MYBL2: variants seen among roughly 807,000 people sequenced by gnomAD.
The protein encoded by MYBL2 is myb-related protein B.
MYBL2 carries 28 observed loss-of-function variants against 79.9 expected under a neutral mutation model. That is an observed-to-expected ratio of 0.35 (90% CI 0.26 to 0.48). MYBL2 has a LOEUF of 0.48. Ranked by LOEUF, MYBL2 falls within the 20% of genes least tolerant of loss-of-function variation. The probability of loss-of-function intolerance (pLI) is 0.99; values close to 1 mark genes in which losing one functional copy is unlikely to be tolerated. For synonymous variants in MYBL2, 378 were observed against 361.2 expected (o/e 1.05, Z -0.53); for missense variants, 735 against 893.9 (o/e 0.82, Z 2.27).
chr20:43,705,685 T>TATTC (rs1407245254), intron 9 of MYBL2, among the ~76,000 whole-genome samples: 1 of 145,676 alleles, frequency 6.9e-6, no homozygotes. Flanking sequence ...TTTATTTATT[T>TATTC]ATTTATTTAT....
rs550646437 is a variant in MYBL2 at position 43,712,940 on chromosome 20, A to G, written c.1720-62A>G. 4.6e-6 allele frequency: 6 copies of G among 1,305,680 alleles called. No individual in the cohort carries two copies. In the African/African-American group the frequency reaches 8.7e-5, roughly 19 times the overall value. The allele number at this position is 1,305,680 out of a possible 1,614,324, so 80.9% of individuals were successfully genotyped here. A position where few individuals can be genotyped will look rare whatever the true frequency, so the allele number is the denominator to read the frequency against. On this transcript the variant is annotated intron_variant, in intron 11 of 13. Transcript: ENST00000217026. ...TGACCATCCATGGCCATGACCATCC[A>G]GGTGCTGACCATGGGGAATCCAGAC... is the stretch of plus-strand genomic sequence containing the variant.
intron 1 of MYBL2, among the ~76,000 whole-genome samples, chr20:43,670,173 C>T: frequency 6.6e-6 from 1 of 152,224 alleles, no homozygotes; most frequent in Non-Finnish European, 1.5e-5. Context: ...ATCATTTCAT[C>T]CTTGAAAGAA....
Position 43,688,345 on chromosome 20 carries a change from G to A in MYBL2, c.500+1273G>A, listed in dbSNP as rs576736442. ...GCCTCCCAAGTAGCTGGGACTACAGGTCTGTGCCACCATGCCTGGCTAATT... is the reference window on the plus strand; with the variant it reads ...GCCTCCCAAGTAGCTGGGACTACAGATCTGTGCCACCATGCCTGGCTAATT... On this transcript the variant is annotated intron_variant, in intron 5 of 13. Coordinates refer to ENST00000217026, the MANE Select transcript of MYBL2 (RefSeq NM_002466.4). Among the ~76,000 whole-genome samples the A allele has an allele frequency of 7.2e-5, 11 of 152,120 alleles. No individual in the cohort carries two copies. In the East Asian group the frequency reaches 2.1e-3, roughly 30 times the overall value.
At chr20:43,683,170 T>G (rs1337556356) in intron 4 of MYBL2, among the ~76,000 whole-genome samples, 1 of 152,128 alleles carries the variant, frequency 6.6e-6, no homozygotes, top group East Asian at 1.9e-4. Flanking sequence ...AGTGCAGCGT[T>G]GTCATGAGAA....
At position 43,716,177 on chromosome 20, in the gene MYBL2, C is replaced by A; in HGVS notation, c.*90C>A. Reference sequence around the variant, plus strand: ...TGAATCTGAGAGTCATTCAGGTGACCTCCTGCAGGGAGCCTTCTGCCACCA... The same window carrying A: ...TGAATCTGAGAGTCATTCAGGTGACATCCTGCAGGGAGCCTTCTGCCACCA... On this transcript the variant is annotated 3_prime_UTR_variant, in exon 14 of 14. Coordinates refer to ENST00000217026, the MANE Select transcript of MYBL2 (RefSeq NM_002466.4). 1 of 1,576,582 alleles carries A rather than the reference C, an allele frequency of 6.3e-7. No homozygotes were observed. The highest frequency in any genetic ancestry group is 8.6e-7 in the Non-Finnish European group (1 of 1,168,788).
Position 43,705,101 on chromosome 20 carries a change from T to A in MYBL2, c.1366-118T>A, listed in dbSNP as rs1987750662. 4.5e-6 allele frequency: 6 copies of A among 1,327,876 alleles called. No homozygotes were observed. In the African/African-American group the frequency reaches 8.8e-5, roughly 19 times the overall value. 82.3% of individuals were successfully genotyped at this position (1,327,876 alleles called of 1,614,324 possible). On this transcript the variant is annotated intron_variant, in intron 8 of 13. Transcript: ENST00000217026. ...CTGATGGGTCAAGAGGGGACCTCAG[T>A]ATCAGAGCAGACGTTTTGGGGGAGA...
chr20:43,702,585 G>A lies in MYBL2; in HGVS notation c.1047G>A (p.Ala349=), dbSNP rs1304874541. The A allele has an allele frequency of 8.1e-6, 13 of 1,614,044 alleles. No individual in the cohort carries two copies. In the East Asian group the frequency reaches 8.9e-5, roughly 11 times the overall value. Residue 349 remains alanine (A), a synonymous_variant, in exon 8 of 14, where the codon GCG becomes GCA. Coordinates refer to ENST00000217026, the MANE Select transcript of MYBL2 (RefSeq NM_002466.4). ...ACAACAGCCTAGTGCAGCTGCAAGC[G>A]TCACATCAGCAGCAAGTCCTGCCAC... ...SINNSLVQLQ[A]SHQQQVLPPR...
Position 43,699,820 on chromosome 20 carries a change from G to C in MYBL2, c.727G>C (p.Glu243Gln). The change falls in exon 7 of 14, where the codon GAG (glutamate) becomes CAG (glutamine). Residue 243 changes from glutamate to glutamine, a missense_variant. Physicochemically the swap from Glu to Gln is conservative, Grantham distance 29 (BLOSUM62 2). Transcript: ENST00000217026. ...PTIKEEENSE[E>Q]ELAAATTSKE... The stretch of plus-strand genomic sequence containing the variant: ...CATAAAGGAGGAGGAAAACAGTGAG[G>C]AGGAACTTGCAGCAGCCACCACATC... 6.2e-7 allele frequency: 1 copy of C among 1,614,156 alleles called. No homozygotes were observed. Among genetic ancestry groups the C allele is most frequent in the Non-Finnish European group, 8.5e-7 (1 of 1,180,022 alleles).
chr20:43,690,991 CTG>C (rs1987393395), intron 5 of MYBL2, among the ~76,000 whole-genome samples: 2 of 152,216 alleles, frequency 1.3e-5, no homozygotes, highest in African/African-American at 4.8e-5. Context: ...CTACTCTACT[CTG>C]TGCTTTATGC....
At chr20:43,700,408 C>T (rs1987653986) in intron 7 of MYBL2, among the ~76,000 whole-genome samples, 3 of 152,140 alleles carry the variant, frequency 2.0e-5, no homozygotes, top group Non-Finnish European at 2.9e-5. Flanking sequence ...GGTTGGGTCT[C>T]CCTGAAGAGG....
At chr20:43,708,927 G>T (rs1987845752) in intron 9 of MYBL2, among the ~76,000 whole-genome samples, 1 of 152,204 alleles carries the variant, frequency 6.6e-6, no homozygotes, top group African/African-American at 2.4e-5. Context: ...TACAGAGGGG[G>T]ATCTCTGTGT....
intron 9 of MYBL2, among the ~76,000 whole-genome samples, chr20:43,708,164 A>T (rs1987831245): frequency 6.6e-6 from 1 of 152,106 alleles, no homozygotes; most frequent in Non-Finnish European, 1.5e-5. Flanking sequence ...CAGTGGTGTG[A>T]TCATGGCCCA....
At chr20:43,697,818 G>A (rs1987579349) in intron 6 of MYBL2, among the ~76,000 whole-genome samples, 1 of 151,850 alleles carries the variant, frequency 6.6e-6, no homozygotes, top group South Asian at 2.1e-4. Context: ...GGGAGGCTGA[G>A]GCAGGAGAAT....
chr20:43,712,290 G>A (rs528425815), intron 11 of MYBL2, among the ~76,000 whole-genome samples: 2 of 152,338 alleles, frequency 1.3e-5, no homozygotes, highest in South Asian at 2.1e-4. Flanking sequence ...AGCTGGGAAC[G>A]GTGGGATGTA....
intron 6 of MYBL2, 128 bp from the exon 7 acceptor site, chr20:43,699,629 G>A (rs1420171118): frequency 3.0e-6 from 3 of 1,000,092 alleles, no homozygotes; most frequent in African/African-American, 3.3e-5. Flanking sequence ...TAATTATTCT[G>A]TAGAATGTTT....
intron 5 of MYBL2, among the ~76,000 whole-genome samples, chr20:43,689,650 C>T (rs772323020): frequency 4.6e-5 from 7 of 152,182 alleles, no homozygotes; most frequent in Admixed American, 6.6e-5. Context: ...TCTCTGGTGA[C>T]CTCTGTGTTG....
In MYBL2 at chr20:43,694,294, T is replaced by G. The variant is rs140839193; in HGVS notation, c.663+1975T>G. On this transcript the variant is annotated intron_variant, in intron 6 of 13. Transcript: ENST00000217026. ...TTGCAGTGAGCCGAGATCACGCCACTGCACTCCAGCCTGGGTGACAGAGTG... is the reference window on the plus strand; with the variant it reads ...TTGCAGTGAGCCGAGATCACGCCACGGCACTCCAGCCTGGGTGACAGAGTG... Among the ~76,000 whole-genome samples, 1,325 of 152,170 alleles carry G rather than the reference T, an allele frequency of 8.7e-3. 29 individuals are homozygous for G. Among genetic ancestry groups the G allele is most frequent in the African/African-American group, 0.03 (1,233 of 41,506 alleles).
At position 43,713,081 on chromosome 20, in the gene MYBL2, C is replaced by T; in HGVS notation, c.1799C>T (p.Ser600Phe). 2 of 1,612,930 alleles carry T rather than the reference C, an allele frequency of 1.2e-6. No homozygotes were observed. Among genetic ancestry groups the T allele is most frequent in the Non-Finnish European group, 1.7e-6 (2 of 1,179,534 alleles). The change falls in exon 12 of 14, where the codon TCC (serine) becomes TTC (phenylalanine). Residue 600 changes from serine (S) to phenylalanine (F), a missense_variant. By Grantham distance (155) the Ser-to-Phe change is radical (BLOSUM62 -2). Around this residue, in one of 5 missense-constraint regions of MYBL2, gnomAD observed 204 missense variants for 202.9 expected, o/e 1.01. Transcript: ENST00000217026. ...IVDEDVKLMM[S>F]TLPKSLSLPT... is the part of the protein sequence containing the mutation. ...GATGAGGATGTGAAGCTGATGATGTCCACACTGCCCAAGTCTCTATCCTTG... is the reference window on the plus strand; with the variant it reads ...GATGAGGATGTGAAGCTGATGATGTTCACACTGCCCAAGTCTCTATCCTTG...
chr20:43,704,836 C>T (rs1987744631), intron 8 of MYBL2, among the ~76,000 whole-genome samples: 1 of 152,192 alleles, frequency 6.6e-6, no homozygotes, highest in East Asian at 1.9e-4. Flanking sequence ...ACCCCACCGC[C>T]ACCAGCACAC....
Sources: allele counts gnomAD v4.1 joint callset (sites outside exome capture counted in the v4.1 genomes callset), GRCh38; gene constraint gnomAD v4.1.1; regional missense constraint gnomAD v4.1.1; transcripts MANE v1.5; gene names NCBI Gene and HGNC (gene_info 2026-07-23, HGNC 2026-07-21).